The following GRM5 variants were observed in gnomAD, a reference collection of about 807,000 sequenced individuals.
GRM5 encodes the protein glutamate metabotropic receptor 5, also known as metabotropic glutamate receptor 5.
A neutral mutation model predicts 83.1 loss-of-function variants in GRM5; 19 were observed. The ratio of observed to expected loss-of-function variants is 0.23; its 90% CI spans 0.16 to 0.34. The LOEUF (loss-of-function observed/expected upper bound fraction) is 0.34, where lower values mean the gene tolerates loss of function less well. Ranked by LOEUF, GRM5 falls within the 10% of genes least tolerant of loss-of-function variation. The probability of loss-of-function intolerance (pLI) is 1.00; values close to 1 mark genes in which losing one functional copy is unlikely to be tolerated. For synonymous variants in GRM5, 675 were observed against 633.6 expected (o/e 1.07, Z -0.98); for missense variants, 1,160 against 1,588.3 (o/e 0.73, Z 4.58).
chr11:88,950,337 A>T (rs2135677861), intron 2 of GRM5, among the ~76,000 whole-genome samples: 1 of 136,048 alleles, frequency 7.4e-6, no homozygotes, highest in South Asian at 2.7e-4. Flanking sequence ...CTATTAAGAG[A>T]TATTTGTGAG....
chr11:88,928,423 T>G (rs983101800), intron 2 of GRM5, among the ~76,000 whole-genome samples: 2 of 151,414 alleles, frequency 1.3e-5, no homozygotes, highest in African/African-American at 4.9e-5. Flanking sequence ...CCAAGTTTCA[T>G]CTATGGATTG....
chr11:88,736,778 AG>A (rs1319453836), intron 3 of GRM5, among the ~76,000 whole-genome samples: 3 of 152,068 alleles, frequency 2.0e-5, no homozygotes, highest in Non-Finnish European at 4.4e-5. Flanking sequence ...ACAAGATTAA[AG>A]TGCCACTTTC....
intron 2 of GRM5, among the ~76,000 whole-genome samples, chr11:88,892,150 A>G (rs955416854): frequency 2.3e-5 from 2 of 86,250 alleles, no homozygotes; most frequent in Non-Finnish European, 4.7e-5. Flanking sequence ...CAGTGCCACA[A>G]GAAGTCTTTT....
At chr11:88,640,784 G>C (rs61902047) in intron 4 of GRM5, among the ~76,000 whole-genome samples, 18,286 of 152,146 alleles carry the variant, frequency 0.12, 1,500 homozygotes, top group Non-Finnish European at 0.18. Context: ...TGAGGTATAG[G>C]GGGAGGGGTG....
At chr11:88,534,637 G>A (rs527373924) in intron 8 of GRM5, among the ~76,000 whole-genome samples, 2 of 152,270 alleles carry the variant, frequency 1.3e-5, no homozygotes, top group Admixed American at 1.3e-4. Flanking sequence ...TTTGGACTGT[G>A]CACTTTTGAG....
At chr11:89,036,515 C>A (rs940864064) in intron 2 of GRM5, among the ~76,000 whole-genome samples, 2 of 152,014 alleles carry the variant, frequency 1.3e-5, no homozygotes, top group African/African-American at 4.8e-5. Context: ...TGAATGTTTT[C>A]TGTGTGCCAA....
chr11:88,769,274 G>A (rs1283412079), intron 3 of GRM5, among the ~76,000 whole-genome samples: 3 of 152,002 alleles, frequency 2.0e-5, no homozygotes, highest in Non-Finnish European at 4.4e-5. Context: ...ACAACAATAA[G>A]AACTCATGTT....
intron 2 of GRM5, among the ~76,000 whole-genome samples, chr11:89,015,557 AG>A (rs1565336514): frequency 6.6e-6 from 1 of 152,186 alleles, no homozygotes; most frequent in Non-Finnish European, 1.5e-5. Context: ...TGGATATCTC[AG>A]GGCCTCATAC....
chr11:88,669,074 G>GAGAT (rs1397653361), intron 3 of GRM5, among the ~76,000 whole-genome samples: 3 of 152,106 alleles, frequency 2.0e-5, no homozygotes, highest in Non-Finnish European at 4.4e-5. Flanking sequence ...TTATTTTGAA[G>GAGAT]AGATATATAC....
chr11:88,568,782 G>A (rs889092795), intron 7 of GRM5, among the ~76,000 whole-genome samples: 4 of 152,102 alleles, frequency 2.6e-5, no homozygotes, highest in Admixed American at 6.6e-5. Flanking sequence ...TAGTAAAGAA[G>A]AGTTGGAATT....
chr11:88,825,909 C>T (rs1418530153), intron 3 of GRM5, among the ~76,000 whole-genome samples: 1 of 152,220 alleles, frequency 6.6e-6, no homozygotes, highest in East Asian at 1.9e-4. Flanking sequence ...AAACATTACT[C>T]TAAACATTAA....
chr11:88,630,343 A>C (rs1296485863), intron 4 of GRM5, among the ~76,000 whole-genome samples: 3 of 152,180 alleles, frequency 2.0e-5, no homozygotes, highest in African/African-American at 7.2e-5. Context: ...ATGCCTACTG[A>C]TACATAGTAG....
At chr11:88,587,620 G>A (rs532525273) in intron 7 of GRM5, among the ~76,000 whole-genome samples, 1 of 152,186 alleles carries the variant, frequency 6.6e-6, no homozygotes, top group South Asian at 2.1e-4. Context: ...AAGCAGGAAG[G>A]TAACTCTCAC....
At chr11:88,562,065 A>G (rs1340899302) in intron 8 of GRM5, among the ~76,000 whole-genome samples, 2 of 152,108 alleles carry the variant, frequency 1.3e-5, no homozygotes, top group Non-Finnish European at 2.9e-5. Context: ...ATGTTTTCCA[A>G]AGTAAGTTCT....
chr11:88,715,652 T>C (rs1033416979), intron 3 of GRM5, among the ~76,000 whole-genome samples: 1 of 152,012 alleles, frequency 6.6e-6, no homozygotes, highest in Admixed American at 6.6e-5. Flanking sequence ...AAATAAGTAA[T>C]GCTGACGGTG....
At chr11:88,825,109 T>C (rs1395168681) in intron 3 of GRM5, among the ~76,000 whole-genome samples, 2 of 152,180 alleles carry the variant, frequency 1.3e-5, no homozygotes, top group East Asian at 1.9e-4. Flanking sequence ...TTTCTTTTTT[T>C]TAGTTTTTCA....
At chr11:89,064,323 C>A (rs1329270096) in intron 1 of GRM5, among the ~76,000 whole-genome samples, 1 of 152,098 alleles carries the variant, frequency 6.6e-6, no homozygotes, top group Non-Finnish European at 1.5e-5. Flanking sequence ...AATAATAAAA[C>A]ACTAAAAAAA....
At chr11:88,593,784 CTTTCTCTCTT>C (rs1937716674) in intron 6 of GRM5, among the ~76,000 whole-genome samples, 3 of 93,316 alleles carry the variant, frequency 3.2e-5, no homozygotes, top group Admixed American at 2.0e-4. Context: ...CTCTCTCTCT[CTTTCTCTCTT>C]TTTCTCTTTC....
chr11:88,982,596 C>A (rs977736643), intron 2 of GRM5, among the ~76,000 whole-genome samples: 2 of 152,080 alleles, frequency 1.3e-5, no homozygotes, highest in African/African-American at 4.8e-5. Flanking sequence ...CACATATATA[C>A]ATGCACCTGT....
Sources: allele counts gnomAD v4.1 joint callset (sites outside exome capture counted in the v4.1 genomes callset), GRCh38; gene constraint gnomAD v4.1.1; transcripts MANE v1.5; gene names NCBI Gene and HGNC (gene_info 2026-07-23, HGNC 2026-07-21).